The following ADGRL3 variants were observed in gnomAD, a reference collection of about 807,000 sequenced individuals.
ADGRL3 encodes calcium-independent alpha-latrotoxin receptor 3.
A neutral mutation model predicts 153.5 loss-of-function variants in ADGRL3; 62 were observed. That is an observed-to-expected ratio of 0.40 (90% confidence interval 0.33 to 0.50). The LOEUF (loss-of-function observed/expected upper bound fraction) is 0.50, where lower values mean the gene tolerates loss of function less well. Among genes scored for constraint, ADGRL3 ranks in the 20% least tolerant of loss-of-function variants. The pLI is 0.47. For missense variants in ADGRL3, 1,641 were observed against 1,859.4 expected, an observed-to-expected ratio of 0.88 and a Z score of 2.16; for synonymous variants, 710 against 672.5, an observed-to-expected ratio of 1.06 and a Z score of -0.86.
At chr4:61,660,457 A>T (rs1469699224) in intron 5 of ADGRL3, among the ~76,000 whole-genome samples, 2 of 152,120 alleles carry the variant, frequency 1.3e-5, no homozygotes, top group African/African-American at 4.8e-5. Flanking sequence ...TTCCTTTTTT[A>T]AATCTATTTT....
intron 15 of ADGRL3, among the ~76,000 whole-genome samples, chr4:61,938,503 G>A (rs373309829): frequency 7.2e-5 from 11 of 152,098 alleles, no homozygotes; most frequent in African/African-American, 2.7e-4. Context: ...CACTGAAAAG[G>A]CTGGAGAATC....
chr4:61,568,000 G>A (rs1469783416), intron 4 of ADGRL3, among the ~76,000 whole-genome samples: 1 of 152,090 alleles, frequency 6.6e-6, no homozygotes, highest in Admixed American at 6.6e-5. Flanking sequence ...TCTTGTCAAG[G>A]CAGGAAGTAA....
At chr4:62,045,516 A>G (rs563194551) in intron 25 of ADGRL3, among the ~76,000 whole-genome samples, 1 of 152,086 alleles carries the variant, frequency 6.6e-6, no homozygotes, top group African/African-American at 2.4e-5. Flanking sequence ...ATTTTATGCT[A>G]CTTAGGAAGA....
intron 6 of ADGRL3, among the ~76,000 whole-genome samples, chr4:61,726,210 G>GTTTTTTGTTTTTTTTTTTTTTTTTT (rs2096339461): frequency 1.7e-5 from 2 of 118,480 alleles, no homozygotes; most frequent in African/African-American, 6.3e-5. Context: ...TTTTTTTTTT[G>GTTTTTTGTTTTTTTTTTTTTTTTTT]TTTTTTGAGA....
At chr4:62,060,514 T>A (rs987040679) in intron 25 of ADGRL3, among the ~76,000 whole-genome samples, 10 of 152,070 alleles carry the variant, frequency 6.6e-5, no homozygotes, top group Admixed American at 6.6e-4. Flanking sequence ...TCTATTTAAA[T>A]GCTTATTTAG....
chr4:61,337,111 C>A (rs559746937), intron 1 of ADGRL3, among the ~76,000 whole-genome samples: 1 of 152,164 alleles, frequency 6.6e-6, no homozygotes, highest in African/African-American at 2.4e-5. Flanking sequence ...TTATTCCTGG[C>A]ATGTGCTTTA....
intron 8 of ADGRL3, among the ~76,000 whole-genome samples, chr4:61,776,873 A>T (rs1561231908): frequency 6.6e-6 from 1 of 152,222 alleles, no homozygotes; most frequent in Non-Finnish European, 1.5e-5. Flanking sequence ...TTTCCATTAA[A>T]GTTGTATGCA....
intron 6 of ADGRL3, among the ~76,000 whole-genome samples, chr4:61,693,598 G>T (rs1177395750): frequency 6.6e-6 from 1 of 152,160 alleles, no homozygotes; most frequent in Non-Finnish European, 1.5e-5. Context: ...CAGAGACAAA[G>T]TTCATCCAAT....
At chr4:61,610,733 TA>T (rs989830422) in intron 5 of ADGRL3, among the ~76,000 whole-genome samples, 51 of 152,220 alleles carry the variant, frequency 3.4e-4, no homozygotes, top group African/African-American at 1.2e-3. Flanking sequence ...GGTGGACAGA[TA>T]AAAGAAAAGT....
intron 5 of ADGRL3, among the ~76,000 whole-genome samples, chr4:61,675,808 A>C (rs2095171557): frequency 6.6e-6 from 1 of 151,910 alleles, no homozygotes; most frequent in African/African-American, 2.4e-5. Flanking sequence ...TGCTACAAAC[A>C]ATCCATTTAT....
intron 13 of ADGRL3, among the ~76,000 whole-genome samples, chr4:61,921,839 G>C (rs943628756): frequency 1.4e-4 from 22 of 152,248 alleles, no homozygotes; most frequent in African/African-American, 5.3e-4. Context: ...AAGACTTTGG[G>C]GATAACTTGT....
At chr4:61,549,058 T>A (rs2098728092) in intron 4 of ADGRL3, among the ~76,000 whole-genome samples, 1 of 152,134 alleles carries the variant, frequency 6.6e-6, no homozygotes, top group African/African-American at 2.4e-5. Context: ...TTCACCTTCC[T>A]AATTAGCTGT....
At chr4:61,578,527 CATT>C (rs2098905442) in intron 4 of ADGRL3, among the ~76,000 whole-genome samples, 2 of 152,038 alleles carry the variant, frequency 1.3e-5, no homozygotes, top group Admixed American at 1.3e-4. Flanking sequence ...TTTATTATGT[CATT>C]ATATTATATC....
chr4:61,621,660 C>CT (rs1176767442), intron 5 of ADGRL3, among the ~76,000 whole-genome samples: 2 of 151,908 alleles, frequency 1.3e-5, no homozygotes, highest in South Asian at 4.2e-4. Flanking sequence ...AAACATAGCC[C>CT]TTTTTTTCCT....
At chr4:61,668,287 G>GA (rs2094871307) in intron 5 of ADGRL3, among the ~76,000 whole-genome samples, 1 of 152,052 alleles carries the variant, frequency 6.6e-6, no homozygotes, top group Non-Finnish European at 1.5e-5. Flanking sequence ...CTAGAGTCTA[G>GA]AAAAAAGGAA....
intron 1 of ADGRL3, among the ~76,000 whole-genome samples, chr4:61,250,057 A>C (rs1385428667): frequency 6.6e-6 from 1 of 152,240 alleles, no homozygotes; most frequent in Admixed American, 6.5e-5. Flanking sequence ...GTCTCCTTGC[A>C]TTGTCTCCCT....
chr4:61,965,091 A>T (rs1306943914), intron 17 of ADGRL3, among the ~76,000 whole-genome samples: 3 of 152,038 alleles, frequency 2.0e-5, no homozygotes, highest in Non-Finnish European at 4.4e-5. Flanking sequence ...GCCTTGACCC[A>T]GGCTTGGGTG....
At chr4:61,682,358 C>T (rs2095354978) in intron 6 of ADGRL3, among the ~76,000 whole-genome samples, 1 of 151,762 alleles carries the variant, frequency 6.6e-6, no homozygotes, top group Non-Finnish European at 1.5e-5. Flanking sequence ...CAGTTTCTTT[C>T]CCTCCAAATA....
chr4:61,280,043 T>TA (rs1421501792), intron 1 of ADGRL3, among the ~76,000 whole-genome samples: 1 of 151,998 alleles, frequency 6.6e-6, no homozygotes, highest in Non-Finnish European at 1.5e-5. Context: ...ATAGAGGAGA[T>TA]ACAAACCCAG....
Sources: allele counts gnomAD v4.1 joint callset (sites outside exome capture counted in the v4.1 genomes callset), GRCh38; gene constraint gnomAD v4.1.1; transcripts MANE v1.5; gene names NCBI Gene and HGNC (gene_info 2026-07-23, HGNC 2026-07-21).